The following GLRB variants were observed in gnomAD, a reference collection of about 807,000 sequenced individuals.
GLRB encodes glycine receptor subunit beta.
Under a neutral mutation model 54.2 loss-of-function variants are expected in GLRB, and 33 were observed. The ratio of observed to expected loss-of-function variants is 0.61; its 90% confidence interval spans 0.46 to 0.81. The LOEUF (loss-of-function observed/expected upper bound fraction) is 0.81, where lower values mean the gene tolerates loss of function less well. Among genes scored for constraint, GLRB ranks in the 40% least tolerant of loss-of-function variants. The pLI, the probability that GLRB is intolerant of heterozygous loss-of-function variation, is 0.00. For synonymous variants in GLRB, 209 were observed against 208.2 expected (o/e 1.00, Z -0.03); for missense variants, 572 against 584.6 (o/e 0.98, Z 0.22).
intron 4 of GLRB, among the ~76,000 whole-genome samples, chr4:157,123,705 A>G (rs1218596076): frequency 1.3e-5 from 2 of 151,794 alleles, no homozygotes; most frequent in Admixed American, 6.6e-5. Flanking sequence ...TATATACTTC[A>G]CTTTCCAAGA....
intron 7 of GLRB, 70 bp downstream of exon 7, chr4:157,139,019 G>A (rs1736516480): frequency 2.4e-6 from 2 of 847,306 alleles, no homozygotes; most frequent in Non-Finnish European, 4.0e-6. Context: ...CATAGCCAAG[G>A]GGAGAGTAGA....
At chr4:157,120,692 T>G (rs1735784702) in intron 3 of GLRB, 30 bp downstream of exon 3, 1 of 1,036,072 alleles carries the variant, frequency 9.7e-7, no homozygotes, top group African/African-American at 1.6e-5. Context: ...ATGTTCATTT[T>G]TATTGTTTAA....
At chr4:157,080,092 A>G (rs573236203) in intron 2 of GLRB, among the ~76,000 whole-genome samples, 1 of 152,148 alleles carries the variant, frequency 6.6e-6, no homozygotes, top group Non-Finnish European at 1.5e-5. Flanking sequence ...CTCTTTTCAC[A>G]ACTACATTAT....
chr4:157,095,111 G>A lies in GLRB; in HGVS notation c.122+16965G>A, dbSNP rs148042732. 3.8e-4 allele frequency among the ~76,000 whole-genome samples: 58 copies of A among 152,218 alleles called. No individual in the cohort carries two copies. In the East Asian group the frequency reaches 8.9e-3, roughly 23 times the overall value. ...GGCCATGGAGATTTATAGAGGAGTA[G>A]TATTTCAGGGAAACAGGTGTCAAAT... is the stretch of plus-strand genomic sequence containing the variant. On this transcript the variant is annotated intron_variant, in intron 2 of 9. Transcript: ENST00000264428.
chr4:157,081,907 C>G (rs543429251), intron 2 of GLRB, among the ~76,000 whole-genome samples: 1 of 152,164 alleles, frequency 6.6e-6, no homozygotes, highest in African/African-American at 2.4e-5. Context: ...TCCTGATGAA[C>G]TAGCCTCTGA....
chr4:157,170,862 CTG>C lies in GLRB; in HGVS notation c.*137_*138del. On this transcript the variant is annotated 3_prime_UTR_variant, in exon 10 of 10. Transcript: ENST00000264428. ...TGGATGCCATTTGATTGTAATAAAA[CTG>C]TGGCACCTTAATTTTGAATGGCAGC... 3.4e-6 allele frequency: 2 copies of C among 583,738 alleles called. No individual in the cohort carries two copies. The highest frequency in any genetic ancestry group is 3.0e-6 in the Non-Finnish European group (1 of 332,440). 36.2% of individuals were successfully genotyped at this position (583,738 alleles called of 1,614,324 possible). A position where few individuals can be genotyped will look rare whatever the true frequency, so the allele number is the denominator to read the frequency against.
intron 9 of GLRB, among the ~76,000 whole-genome samples, chr4:157,170,111 G>A (rs189569763): frequency 6.6e-6 from 1 of 152,208 alleles, no homozygotes; most frequent in African/African-American, 2.4e-5. Context: ...AAAAATGGAT[G>A]TTTATTTATT....
chr4:157,076,754 A>T (rs1353932612), intron 1 of GLRB, among the ~76,000 whole-genome samples: 1 of 151,250 alleles, frequency 6.6e-6, no homozygotes, highest in African/African-American at 2.4e-5. Flanking sequence ...AAAGTGGGAG[A>T]AGTACCTGCT....
At chr4:157,132,815 C>A (rs766480768) in intron 4 of GLRB, among the ~76,000 whole-genome samples, 1 of 151,880 alleles carries the variant, frequency 6.6e-6, no homozygotes, top group African/African-American at 2.4e-5. Flanking sequence ...AAATAAGCCT[C>A]TTTAATCACT....
At chr4:157,091,076 A>G (rs138230190) in intron 2 of GLRB, among the ~76,000 whole-genome samples, 2 of 152,242 alleles carry the variant, frequency 1.3e-5, no homozygotes, top group African/African-American at 2.4e-5. Context: ...AGATAGTTCA[A>G]TCTATCTATT....
chr4:157,118,066 C>T (rs1426345599), intron 2 of GLRB, among the ~76,000 whole-genome samples: 1 of 151,512 alleles, frequency 6.6e-6, no homozygotes, highest in Non-Finnish European at 1.5e-5. Context: ...GGAAGAAGGA[C>T]AAAATTTGGT....
At chr4:157,096,193 A>C (rs1379162142) in intron 2 of GLRB, among the ~76,000 whole-genome samples, 1 of 152,206 alleles carries the variant, frequency 6.6e-6, no homozygotes, top group Non-Finnish European at 1.5e-5. Context: ...ATTCCTCGGC[A>C]GGCTTCCCTG....
At chr4:157,159,316 C>T (rs1234762265) in intron 9 of GLRB, among the ~76,000 whole-genome samples, 1 of 152,042 alleles carries the variant, frequency 6.6e-6, no homozygotes, top group Non-Finnish European at 1.5e-5. Context: ...AATTGAATAC[C>T]TTTTATTTCT....
chr4:157,087,820 G>T (rs1228016715), intron 2 of GLRB, among the ~76,000 whole-genome samples: 1 of 151,130 alleles, frequency 6.6e-6, no homozygotes, highest in Non-Finnish European at 1.5e-5. Context: ...AATAATTTCT[G>T]TAATACAGTA....
At chr4:157,077,127 G>A (rs1734068195) in intron 1 of GLRB, among the ~76,000 whole-genome samples, 1 of 152,126 alleles carries the variant, frequency 6.6e-6, no homozygotes, top group Admixed American at 6.6e-5. Context: ...AATGAAGGTT[G>A]CAGAAGAGTT....
chr4:157,106,230 T>G (rs1338228744), intron 2 of GLRB, among the ~76,000 whole-genome samples: 1 of 152,112 alleles, frequency 6.6e-6, no homozygotes, highest in Non-Finnish European at 1.5e-5. Context: ...CACTGCCTTT[T>G]GGGATGTATG....
intron 9 of GLRB, among the ~76,000 whole-genome samples, chr4:157,161,746 C>T (rs568914413): frequency 5.4e-4 from 82 of 152,312 alleles, no homozygotes; most frequent in African/African-American, 1.9e-3. Context: ...TGACCTTTCT[C>T]TCTGGCTGCC....
chr4:157,088,525 T>C (rs34104101), intron 2 of GLRB, among the ~76,000 whole-genome samples: 1 of 152,162 alleles, frequency 6.6e-6, no homozygotes, highest in Non-Finnish European at 1.5e-5. Flanking sequence ...CTCCACATTG[T>C]TTCTGTCTTT....
At chr4:157,114,568 C>T (rs2126515234) in intron 2 of GLRB, among the ~76,000 whole-genome samples, 1 of 151,450 alleles carries the variant, frequency 6.6e-6, no homozygotes, top group South Asian at 2.1e-4. Flanking sequence ...TGGTCTTTAC[C>T]TTAAGTCGTT....
Sources: allele counts gnomAD v4.1 joint callset (sites outside exome capture counted in the v4.1 genomes callset), GRCh38; gene constraint gnomAD v4.1.1; transcripts MANE v1.5; gene names NCBI Gene and HGNC (gene_info 2026-07-23, HGNC 2026-07-21).